The following CCDC82 variants were observed in gnomAD, a reference collection of about 807,000 sequenced individuals.
CCDC82 encodes coiled-coil domain-containing protein 82.
In CCDC82, 47 loss-of-function variants were observed where a neutral mutation model predicts 60.6. The observed-to-expected ratio is 0.77, with a 90% CI of 0.61 to 0.99. CCDC82 has a LOEUF of 0.99. CCDC82 is among the 50% of genes least tolerant of loss of function. CCDC82 has a pLI of 0.00. For missense variants in CCDC82, 588 were observed against 633.0 expected (o/e 0.93, Z 0.76); for synonymous variants, 212 against 207.4 (o/e 1.02, Z -0.19).
At chr11:96,363,439 C>G (rs555398695) in intron 8 of CCDC82, 12 of 152,318 alleles carry the variant, frequency 7.9e-5, no homozygotes, top group Non-Finnish European at 1.0e-4. Context: ...TTTAATCACA[C>G]TCTCTTAACA....
At chr11:96,369,731 T>G (rs1331108095) in intron 7 of CCDC82, among the ~76,000 whole-genome samples, 1 of 152,202 alleles carries the variant, frequency 6.6e-6, no homozygotes, top group African/African-American at 2.4e-5. Context: ...CAGAGATGAA[T>G]AAGCATATGG....
chr11:96,383,815 TA>T, intron 4 of CCDC82, 146 bp downstream of exon 4: 1 of 733,412 alleles, frequency 1.4e-6, no homozygotes, highest in Non-Finnish European at 2.2e-6. Flanking sequence ...TACAATAGTG[TA>T]ATCAAACATG....
At position 96,365,896 on chromosome 11, in the gene CCDC82, G is replaced by A. The variant is rs1421047018; in HGVS notation, c.1210-746C>T. Among the ~76,000 whole-genome samples, 2 of 152,200 alleles carry A rather than the reference G, an allele frequency of 1.3e-5. 1 individual carries two copies. The highest frequency in any genetic ancestry group is 4.1e-4 in the South Asian group (2 of 4,834). On this transcript the variant is annotated intron_variant, in intron 7 of 9. Transcript: ENST00000646818. ...TGAACTGCACACAGTGAGCATATTA[G>A]CATGGTTACTAAACCACATTCATAT...
chr11:96,381,869 AAGC>A (rs368338201), intron 5 of CCDC82: 38 of 151,920 alleles, frequency 2.5e-4, no homozygotes, highest in African/African-American at 8.2e-4. Flanking sequence ...GATGATGTAA[AAGC>A]AGTGATGGGT....
At chr11:96,361,749 CATT>C (rs1864672951) in intron 8 of CCDC82, among the ~76,000 whole-genome samples, 1 of 152,156 alleles carries the variant, frequency 6.6e-6, no homozygotes, top group African/African-American at 2.4e-5. Context: ...AAACAGGTAA[CATT>C]AATCTCTGGT....
chr11:96,388,473 T>C (rs1866332021), intron 1 of CCDC82: 1 of 152,200 alleles, frequency 6.6e-6, no homozygotes, highest in African/African-American at 2.4e-5. Context: ...TTGTGTTTCA[T>C]GGTTAATATA....
Position 96,353,691 on chromosome 11 carries a change from A to C in CCDC82, c.1590T>G (p.Tyr530Ter). The C allele has an allele frequency of 1.2e-6, 2 of 1,610,570 alleles. No individual in the cohort carries two copies. The highest frequency in any genetic ancestry group is 1.7e-6 in the Non-Finnish European group (2 of 1,178,516). The change falls in exon 10 of 10, where the codon TAT becomes TAG. Residue 530 changes from tyrosine (Y) to a stop codon, truncating the protein, a stop_gained. Coordinates refer to ENST00000646818, the MANE Select transcript of CCDC82 (RefSeq NM_024725.4). LOFTEE classifies it high-confidence loss of function. ...IKEKYGQLEE[Y>*]LNFADYFQEE... ...CTTGAAAGTAATCCGCAAAATTGAG[A>C]TATTCTTCAAGTTGACCATATTTCT... is the stretch of plus-strand genomic sequence containing the variant.
intron 8 of CCDC82, among the ~76,000 whole-genome samples, chr11:96,361,597 T>C (rs1288202071): frequency 2.0e-5 from 3 of 152,214 alleles, no homozygotes; most frequent in Non-Finnish European, 2.9e-5. Flanking sequence ...AGGATAGGTG[T>C]AATACTCCAA....
rs1388098736 is a variant in CCDC82, at chr11:96,372,695, TAA to T, written c.1084+678_1084+679del. 6.9e-5 allele frequency among the ~76,000 whole-genome samples: 10 copies of T among 144,390 alleles called. 1 individual carries two copies. The South Asian group carries it at 1.7e-3, about 24-fold the overall frequency. 94.7% of individuals were successfully genotyped at this position (144,390 alleles called of 152,430 possible). A position where few individuals can be genotyped will look rare whatever the true frequency, so the allele number is the denominator to read the frequency against. On this transcript the variant is annotated intron_variant, in intron 6 of 9. Transcript: ENST00000646818. Reference sequence around the variant, plus strand: ...ACATATATAAATATAAATAAATATATAAAAATATATATATACATATATATTTA... The same window carrying T: ...ACATATATAAATATAAATAAATATATAAATATATATATACATATATATTTA...
intron 3 of CCDC82, 49 bp from the exon 4 acceptor site, chr11:96,384,810 C>T: frequency 8.9e-7 from 1 of 1,124,264 alleles, no homozygotes; most frequent in Non-Finnish European, 1.2e-6. Context: ...CAGATTAGAG[C>T]AATGAATGCA....
At chr11:96,373,638 C>T (rs1865407711) in intron 5 of CCDC82, among the ~76,000 whole-genome samples, 171 bp from the exon 6 acceptor site, 2 of 152,156 alleles carry the variant, frequency 1.3e-5, no homozygotes, top group South Asian at 4.1e-4. Flanking sequence ...GAGCAAATCT[C>T]CATTTTCCAA....
intron 7 of CCDC82, among the ~76,000 whole-genome samples, chr11:96,368,256 C>T (rs1342533454): frequency 6.6e-6 from 1 of 151,916 alleles, no homozygotes; most frequent in Non-Finnish European, 1.5e-5. Context: ...CTTGGGTGAC[C>T]CGGTGCACTG....
intron 7 of CCDC82, among the ~76,000 whole-genome samples, chr11:96,365,981 A>G (rs533867977): frequency 1.3e-5 from 2 of 152,260 alleles, no homozygotes; most frequent in South Asian, 2.1e-4. Context: ...TTTTTATATT[A>G]TATGATTGAA....
Position 96,364,889 on chromosome 11 carries a change from CT to C in CCDC82, c.1380+90del, listed in dbSNP as rs1864862007. 9 of 1,232,650 alleles carry C rather than the reference CT, an allele frequency of 7.3e-6. No individual in the cohort carries two copies. In the Admixed American group the frequency reaches 1.0e-4, roughly 14 times the overall value. The allele number at this position is 1,232,650 out of a possible 1,614,324, so 76.4% of individuals were successfully genotyped here. A position where few individuals can be genotyped will look rare whatever the true frequency, so the allele number is the denominator to read the frequency against. ...GGATTATATGCTAAAAATGTTTCCA[CT>C]TGGGTCAAATTTTCCTTAGGATACT... On this transcript the variant is annotated intron_variant, in intron 8 of 9. Transcript: ENST00000646818.
intron 4 of CCDC82, among the ~76,000 whole-genome samples, 161 bp from the exon 5 acceptor site, chr11:96,383,634 A>T (rs943268292): frequency 3.3e-5 from 5 of 152,002 alleles, no homozygotes; most frequent in Admixed American, 2.0e-4. Flanking sequence ...TTAAATGCTG[A>T]ACTTTTGAAA....
At chr11:96,376,690 A>G (rs1565315845) in intron 5 of CCDC82, among the ~76,000 whole-genome samples, 1 of 151,716 alleles carries the variant, frequency 6.6e-6, no homozygotes, top group Non-Finnish European at 1.5e-5. Flanking sequence ...AGTCTCCCAA[A>G]ATGCTGGGAT....
At position 96,373,731 on chromosome 11, in the gene CCDC82, TTAAAA is replaced by T. The variant is rs1865414625; in HGVS notation, c.992-269_992-265del. Among the ~76,000 whole-genome samples the T allele has an allele frequency of 3.3e-5, 5 of 152,276 alleles. No homozygotes were observed. In the South Asian group the frequency reaches 8.3e-4, roughly 25 times the overall value. On this transcript the variant is annotated intron_variant, in intron 5 of 9. Transcript: ENST00000646818. The stretch of plus-strand genomic sequence containing the variant: ...ACTTAAGAAAACTGTTCAGAGAATA[TTAAAA>T]TAAGTTTAAAAAATAAAAATTATCC...
chr11:96,384,176 T>C lies in CCDC82; in HGVS notation c.572A>G (p.Asp191Gly), dbSNP rs1565323690. Residue 191 changes from aspartate (D) to glycine (G), a missense_variant, in exon 4 of 10, where the codon GAC becomes GGC. Coordinates refer to ENST00000646818, the MANE Select transcript of CCDC82 (RefSeq NM_024725.4). ...ATCGCTGTCATCACTCTCATCACTG[T>C]CACACATCACAGAGGATAGCCTTTT... is the stretch of plus-strand genomic sequence containing the variant. ...KRKRLSSVMCDSDESDDSDIL... is the reference protein window; with the variant it reads ...KRKRLSSVMCGSDESDDSDIL... 2.5e-6 allele frequency: 4 copies of C among 1,613,918 alleles called. No homozygotes were observed. The highest frequency in any genetic ancestry group is 3.4e-6 in the Non-Finnish European group (4 of 1,179,862).
At chr11:96,385,544 C>G (rs1866145752) in intron 3 of CCDC82, 2 of 152,128 alleles carry the variant, frequency 1.3e-5, no homozygotes, top group Non-Finnish European at 1.5e-5. Context: ...AATATATCCA[C>G]TAAGATTGTA....
Sources: allele counts gnomAD v4.1 joint callset (sites outside exome capture counted in the v4.1 genomes callset), GRCh38; gene constraint gnomAD v4.1.1; transcripts MANE v1.5; gene names NCBI Gene and HGNC (gene_info 2026-07-23, HGNC 2026-07-21).